The following MYOCD variants were observed in gnomAD, a reference collection of about 807,000 sequenced individuals.
MYOCD encodes the protein myocardin.
Under a neutral mutation model 96.1 loss-of-function variants are expected in MYOCD, and 32 were observed. That is an observed-to-expected ratio of 0.33 (90% CI 0.25 to 0.45). The LOEUF (loss-of-function observed/expected upper bound fraction) is 0.45, where lower values mean the gene tolerates loss of function less well. Among genes scored for constraint, MYOCD ranks in the 20% least tolerant of loss-of-function variants. The probability of loss-of-function intolerance (pLI) is 1.00; values close to 1 mark genes in which losing one functional copy is unlikely to be tolerated. For missense variants in MYOCD, 1,133 were observed against 1,200.6 expected (o/e 0.94, Z 0.83); for synonymous variants, 469 against 469.0 (o/e 1.00, Z 0.00).
At chr17:12,707,464 G>C (rs954580682) in intron 2 of MYOCD, among the ~76,000 whole-genome samples, 1 of 151,998 alleles carries the variant, frequency 6.6e-6, no homozygotes, top group Non-Finnish European at 1.5e-5. Flanking sequence ...CCAGCACTTT[G>C]GGAGGCAGAG....
At chr17:12,729,207 C>T (rs1796328349) in intron 5 of MYOCD, among the ~76,000 whole-genome samples, 1 of 152,128 alleles carries the variant, frequency 6.6e-6, no homozygotes, top group Admixed American at 6.5e-5. Flanking sequence ...AAATAATTTC[C>T]AAAGAGTAAA....
chr17:12,687,059 C>G (rs1017675233), intron 1 of MYOCD, among the ~76,000 whole-genome samples: 1 of 152,164 alleles, frequency 6.6e-6, no homozygotes, highest in African/African-American at 2.4e-5. Context: ...AATAGCACAC[C>G]GAAGTTGGAA....
chr17:12,665,991 T>G lies in MYOCD; in HGVS notation c.-198T>G. ...GAGGGTCCCGCCGGCTAAGAGTTAA[T>G]TAGCCCCGCACGGCGAGGGGGGAGG... On this transcript the variant is annotated 5_prime_UTR_variant, in exon 1 of 14. Coordinates refer to ENST00000425538, the MANE Select transcript of MYOCD (RefSeq NM_001146312.3). This position sits in a 1 kb window ranked among gnomAD's most constrained non-coding sequence, Gnocchi z 4.2. 1.8e-6 allele frequency: 1 copy of G among 552,306 alleles called. No individual in the cohort carries two copies. Among genetic ancestry groups the G allele is most frequent in the South Asian group, 2.4e-5 (1 of 41,196 alleles). The allele number at this position is 552,306 out of a possible 1,614,324, so 34.2% of individuals were successfully genotyped here.
chr17:12,695,871 C>A (rs2030720635), intron 1 of MYOCD, among the ~76,000 whole-genome samples: 1 of 145,878 alleles, frequency 6.9e-6, no homozygotes, highest in South Asian at 2.2e-4. Flanking sequence ...GCCCCTGGAA[C>A]CCCCCTCCTA....
In MYOCD at chr17:12,763,192, T is replaced by C; in HGVS notation, c.2509T>C (p.Ser837Pro). The C allele has an allele frequency of 1.9e-6, 3 of 1,614,176 alleles. No homozygotes were observed. Among genetic ancestry groups the C allele is most frequent in the Non-Finnish European group, 2.5e-6 (3 of 1,180,018 alleles). Residue 837 changes from serine to proline, a missense_variant, in exon 14 of 14, where the codon TCT becomes CCT. Coordinates refer to ENST00000425538, the MANE Select transcript of MYOCD (RefSeq NM_001146312.3). The stretch of plus-strand genomic sequence containing the variant: ...GCCCTCGGCTTCCTTTGAACAAGCC[T>C]CTTCAGGCAGCCAGATCCCCTTTGA... The part of the protein sequence containing the change: ...TKPSASFEQA[S>P]SGSQIPFDPY...
At chr17:12,744,481 G>C (rs773980434) in intron 8 of MYOCD, 45 bp downstream of exon 8, 1 of 1,555,078 alleles carries the variant, frequency 6.4e-7, no homozygotes, top group Non-Finnish European at 8.7e-7. Flanking sequence ...CAGAGGTTGG[G>C]AAGGGTGTCT....
intron 7 of MYOCD, among the ~76,000 whole-genome samples, chr17:12,742,270 T>C (rs939166441): frequency 6.6e-6 from 1 of 152,180 alleles, no homozygotes; most frequent in Non-Finnish European, 1.5e-5. Flanking sequence ...TTGTGTTCAT[T>C]ATTCATTAGT....
At chr17:12,670,011 G>A (rs1162515552) in intron 1 of MYOCD, among the ~76,000 whole-genome samples, 1 of 152,110 alleles carries the variant, frequency 6.6e-6, no homozygotes, top group Non-Finnish European at 1.5e-5. Flanking sequence ...CCATGAGAAT[G>A]AACCCTAGGT....
intron 2 of MYOCD, 106 bp from the exon 3 acceptor site, chr17:12,715,413 T>C: frequency 4.8e-6 from 4 of 827,592 alleles, no homozygotes; most frequent in South Asian, 2.1e-5. Flanking sequence ...ATAAAGGCAA[T>C]CACCTCCCTA....
chr17:12,739,290 C>G lies in MYOCD; in HGVS notation c.679C>G (p.Pro227Ala), dbSNP rs143208611. 3.5e-5 allele frequency: 56 copies of G among 1,607,972 alleles called. No individual in the cohort carries two copies. Among genetic ancestry groups the G allele is most frequent in the Admixed American group, 5.1e-5 (3 of 58,808 alleles). ...AGATGCGGGGAAGCAGGGGCTTGGC[C>G]CCCCCAGCACCCCCATAGCCGTGCA... ...QSDAGKQGLG[P>A]PSTPIAVHAA... Residue 227 changes from proline (P) to alanine (A), a missense_variant, in exon 7 of 14, where the codon CCC (proline) becomes GCC (alanine). By Grantham distance (27) the Pro-to-Ala change is conservative. Coordinates refer to ENST00000425538, the MANE Select transcript of MYOCD (RefSeq NM_001146312.3).
chr17:12,679,070 A>G (rs2150637370), intron 1 of MYOCD, among the ~76,000 whole-genome samples: 1 of 152,322 alleles, frequency 6.6e-6, no homozygotes, highest in East Asian at 1.9e-4. Flanking sequence ...CGGGGCTTGC[A>G]AAACCAAATT....
In MYOCD at chr17:12,763,595, C is replaced by T; in HGVS notation, c.2912C>T (p.Thr971Ile). 6.2e-7 allele frequency: 1 copy of T among 1,614,054 alleles called. No homozygotes were observed. Among genetic ancestry groups the T allele is most frequent in the Non-Finnish European group, 8.5e-7 (1 of 1,179,972 alleles). Residue 971 changes from threonine to isoleucine, a missense_variant, in exon 14 of 14, where the codon ACT becomes ATT. Physicochemically the swap from Thr to Ile is moderately conservative, Grantham distance 89. Transcript: ENST00000425538. Reference sequence around the variant, plus strand: ...TTCAACATCGATTTCCTGGATGTCACTGATCTCAATTTGAATTCTTCCATG... The same window carrying T: ...TTCAACATCGATTTCCTGGATGTCATTGATCTCAATTTGAATTCTTCCATG... ...SIFNIDFLDV[T>I]DLNLNSSMDL...
rs1478326717 is a variant in MYOCD, at chr17:12,744,196, G to A, written c.731G>A (p.Gly244Asp). 4 of 1,613,912 alleles carry A rather than the reference G, an allele frequency of 2.5e-6. No homozygotes were observed. The highest frequency in any genetic ancestry group is 2.2e-5 in the East Asian group (1 of 44,884). Residue 244 changes from glycine to aspartate, a missense_variant, in exon 8 of 14, where the codon GGT becomes GAT. By Grantham distance (94) the Gly-to-Asp change is moderately conservative. Coordinates refer to ENST00000425538, the MANE Select transcript of MYOCD (RefSeq NM_001146312.3). ...TCTTCTTTGCAGTCCAAATCCTTGG[G>A]TGACAGTAAGAACCGCCACAAAAAG... is the stretch of plus-strand genomic sequence containing the variant. Reference protein sequence around the residue: ...VHAAVKSKSLGDSKNRHKKPK... With the variant: ...VHAAVKSKSLDDSKNRHKKPK...
At chr17:12,706,849 C>T (rs1293217349) in intron 2 of MYOCD, among the ~76,000 whole-genome samples, 1 of 152,102 alleles carries the variant, frequency 6.6e-6, no homozygotes, top group Non-Finnish European at 1.5e-5. Flanking sequence ...AGAAATTTTG[C>T]ATCATTAGTC....
chr17:12,700,991 A>G (rs939796164), intron 1 of MYOCD, among the ~76,000 whole-genome samples: 1 of 152,122 alleles, frequency 6.6e-6, no homozygotes, highest in Non-Finnish European at 1.5e-5. Context: ...TTTGGTATCA[A>G]TTTTGGTAAG....
intron 1 of MYOCD, among the ~76,000 whole-genome samples, chr17:12,682,869 G>T (rs562628017): frequency 8.5e-5 from 13 of 152,284 alleles, no homozygotes; most frequent in Non-Finnish European, 1.8e-4. Context: ...GCCACCACGG[G>T]ATGCCCCTCT....
chr17:12,669,700 G>A (rs765862199), intron 1 of MYOCD, among the ~76,000 whole-genome samples: 7 of 151,878 alleles, frequency 4.6e-5, no homozygotes, highest in Non-Finnish European at 8.8e-5. Context: ...CTCACTGCAA[G>A]CTCCGCCTCT....
chr17:12,745,130 C>A (rs1474664879), intron 8 of MYOCD, among the ~76,000 whole-genome samples: 1 of 152,200 alleles, frequency 6.6e-6, no homozygotes, highest in East Asian at 1.9e-4. Flanking sequence ...CAGACACTCT[C>A]AAAGATTGAC....
At chr17:12,732,776 G>A (rs1597790230) in intron 5 of MYOCD, among the ~76,000 whole-genome samples, 1 of 152,148 alleles carries the variant, frequency 6.6e-6, no homozygotes, top group Non-Finnish European at 1.5e-5. Flanking sequence ...TCGACCTGGG[G>A]TCACCAAATG....
Sources: allele counts gnomAD v4.1 joint callset (sites outside exome capture counted in the v4.1 genomes callset), GRCh38; gene constraint gnomAD v4.1.1; non-coding constraint Gnocchi (gnomAD v3.1); transcripts MANE v1.5; gene names NCBI Gene and HGNC (gene_info 2026-07-23, HGNC 2026-07-21).